The following SGCD variants were observed in gnomAD, a reference collection of about 807,000 sequenced individuals.
SGCD encodes the protein delta-sarcoglycan.
A neutral mutation model predicts 36.6 loss-of-function variants in SGCD; 18 were observed. The observed-to-expected ratio is 0.49, with a 90% CI of 0.34 to 0.73. The LOEUF (loss-of-function observed/expected upper bound fraction) is 0.73, where lower values mean the gene tolerates loss of function less well. Among genes scored for constraint, SGCD ranks in the 30% least tolerant of loss-of-function variants. The probability of loss-of-function intolerance (pLI) is 0.01; values close to 1 mark genes in which losing one functional copy is unlikely to be tolerated. For synonymous variants in SGCD, 133 were observed against 130.6 expected, an observed-to-expected ratio of 1.02 and a Z score of -0.12; for missense variants, 387 against 346.7, an observed-to-expected ratio of 1.12 and a Z score of -0.92.
intron 3 of SGCD, among the ~76,000 whole-genome samples, chr5:156,398,173 T>C (rs1771965987): frequency 6.6e-6 from 1 of 152,216 alleles, no homozygotes; most frequent in South Asian, 2.1e-4. Flanking sequence ...TCTGAAGTGA[T>C]AGAGTTGTGG....
intron 1 of SGCD, among the ~76,000 whole-genome samples, chr5:156,092,830 G>A (rs1039809856): frequency 6.6e-6 from 1 of 152,144 alleles, no homozygotes; most frequent in Non-Finnish European, 1.5e-5. Context: ...TTAGTTCCAG[G>A]CCTCCCAGTT....
intron 7 of SGCD, among the ~76,000 whole-genome samples, chr5:156,717,541 C>T (rs577750094): frequency 9.8e-5 from 15 of 152,312 alleles, no homozygotes; most frequent in East Asian, 5.8e-4. Flanking sequence ...GAATTGCTGA[C>T]GCTGGAGGAA....
chr5:156,090,298 G>A (rs1459427418), intron 1 of SGCD, among the ~76,000 whole-genome samples: 1 of 152,140 alleles, frequency 6.6e-6, no homozygotes, highest in African/African-American at 2.4e-5. Flanking sequence ...TTCAACATAG[G>A]TTGCTTTCTA....
chr5:156,099,382 A>G (rs1231340518), intron 1 of SGCD, among the ~76,000 whole-genome samples: 3 of 152,110 alleles, frequency 2.0e-5, no homozygotes, highest in African/African-American at 4.8e-5. Context: ...GATGCTTACT[A>G]TTATAACTCA....
At chr5:156,680,638 C>G (rs1305062729) in intron 7 of SGCD, among the ~76,000 whole-genome samples, 1 of 152,160 alleles carries the variant, frequency 6.6e-6, no homozygotes, top group Non-Finnish European at 1.5e-5. Context: ...ATGGTCCCAC[C>G]TCAGTGAACA....
chr5:156,228,270 CTA>C lies in SGCD; in HGVS notation c.-43-101262_-43-101261del, dbSNP rs551719868. ...GCGGTCCCCCACTATTATTGTGTTG[CTA>C]TCTCATTTCTTAGGTCTATTGGTAA... On this transcript the variant is annotated intron_variant, in intron 3 of 9. Transcript: ENST00000517913. Among the ~76,000 whole-genome samples, 294 of 152,116 alleles carry C rather than the reference CTA, an allele frequency of 1.9e-3. 3 individuals carry two copies. Among genetic ancestry groups the C allele is most frequent in the African/African-American group, 6.8e-3 (282 of 41,496 alleles).
intron 1 of SGCD, among the ~76,000 whole-genome samples, chr5:155,922,403 G>C (rs1395194327): frequency 6.6e-6 from 1 of 152,076 alleles, no homozygotes; most frequent in Admixed American, 6.6e-5. Flanking sequence ...CCTCACACTT[G>C]AGTTTCTGTA....
the SGCD span, among the ~76,000 whole-genome samples, chr5:155,767,290 A>G: frequency 1.3e-5 from 2 of 152,194 alleles, no homozygotes; most frequent in African/African-American, 4.8e-5. Flanking sequence ...TGAGGAAGAC[A>G]TGTCAGTTGC....
chr5:155,752,462 C>T, the SGCD span, among the ~76,000 whole-genome samples: 1 of 152,140 alleles, frequency 6.6e-6, no homozygotes, highest in Non-Finnish European at 1.5e-5. Context: ...CCCCTCCTTA[C>T]TCAGGCCAAT....
At chr5:155,874,227 TA>T (rs1197620950) in intron 1 of SGCD, among the ~76,000 whole-genome samples, 1 of 152,096 alleles carries the variant, frequency 6.6e-6, no homozygotes, top group African/African-American at 2.4e-5. Context: ...TTTCAGGTGA[TA>T]TGAAAGAAAG....
At chr5:156,520,350 T>C (rs1381190162) in intron 4 of SGCD, among the ~76,000 whole-genome samples, 1 of 152,140 alleles carries the variant, frequency 6.6e-6, no homozygotes, top group African/African-American at 2.4e-5. Context: ...AAACTACTGC[T>C]TGAAGAAATC....
At chr5:155,942,046 G>A (rs1444055089) in intron 1 of SGCD, among the ~76,000 whole-genome samples, 2 of 152,166 alleles carry the variant, frequency 1.3e-5, no homozygotes, top group Non-Finnish European at 2.9e-5. Context: ...CAAAGTCCAT[G>A]TTCCTGGTGG....
At chr5:155,769,882 C>A in the SGCD span, among the ~76,000 whole-genome samples, 1 of 152,092 alleles carries the variant, frequency 6.6e-6, no homozygotes, top group African/African-American at 2.4e-5. Context: ...GATGTCGCCT[C>A]ACCAATTCTG....
chr5:156,752,639 C>T (rs543082497), intron 7 of SGCD, among the ~76,000 whole-genome samples: 54 of 152,328 alleles, frequency 3.5e-4, no homozygotes, highest in African/African-American at 1.2e-3. Context: ...GGTGATCCAC[C>T]CGCCTTGGCC....
the SGCD span, among the ~76,000 whole-genome samples, chr5:155,825,142 T>A: frequency 2.0e-5 from 3 of 152,182 alleles, no homozygotes; most frequent in African/African-American, 7.2e-5. Context: ...CTGTAATCCA[T>A]GATTGCGTTT....
At chr5:156,124,368 G>T (rs1011512624) in intron 3 of SGCD, among the ~76,000 whole-genome samples, 7 of 152,154 alleles carry the variant, frequency 4.6e-5, no homozygotes, top group African/African-American at 1.4e-4. Context: ...CAGGTAACAA[G>T]ATGAGTAAAG....
At chr5:156,052,275 G>A (rs1022832730) in intron 1 of SGCD, among the ~76,000 whole-genome samples, 2 of 146,044 alleles carry the variant, frequency 1.4e-5, no homozygotes, top group African/African-American at 4.9e-5. Context: ...TCTCAGTGTC[G>A]GGGGTAAGGG....
At chr5:156,128,893 C>A (rs1192987815) in intron 3 of SGCD, among the ~76,000 whole-genome samples, 1 of 152,192 alleles carries the variant, frequency 6.6e-6, no homozygotes. Context: ...AATAAAAAGA[C>A]TGTCACACAT....
In SGCD at chr5:156,670,607, A is replaced by G. The variant is rs543394119; in HGVS notation, c.575+23071A>G. On this transcript the variant is annotated intron_variant, in intron 7 of 8. Coordinates refer to ENST00000337851, the MANE Select transcript of SGCD (RefSeq NM_000337.6). ...CAAAGAGTAATGGGAGTTTAGAGGAACAAGCTTACAACAGTTTTTACCTGA... is the reference window on the plus strand; with the variant it reads ...CAAAGAGTAATGGGAGTTTAGAGGAGCAAGCTTACAACAGTTTTTACCTGA... 3.3e-5 allele frequency among the ~76,000 whole-genome samples: 5 copies of G among 152,342 alleles called. No homozygotes were observed. The East Asian group carries it at 5.8e-4, about 18-fold the overall frequency.
Sources: allele counts gnomAD v4.1 joint callset (sites outside exome capture counted in the v4.1 genomes callset), GRCh38; gene constraint gnomAD v4.1.1; transcripts MANE v1.5; gene names NCBI Gene and HGNC (gene_info 2026-07-23, HGNC 2026-07-21).